MYT1: variants seen among roughly 807,000 people sequenced by gnomAD.
The protein encoded by MYT1 is myelin transcription factor I.
A neutral mutation model predicts 123.0 loss-of-function variants in MYT1; 23 were observed. That is an observed-to-expected ratio of 0.19 (90% CI 0.13 to 0.26). The LOEUF is 0.26. Ranked by LOEUF, MYT1 falls within the 10% of genes least tolerant of loss-of-function variation. The pLI, the probability that MYT1 is intolerant of heterozygous loss-of-function variation, is 1.00. For synonymous variants in MYT1, 518 were observed against 575.3 expected (o/e 0.90, Z 1.43); for missense variants, 1,125 against 1,472.5 (o/e 0.76, Z 3.86).
rs1201572776 is a variant in MYT1 at position 64,189,055 on chromosome 20, G to C, written c.-98-1008G>C. Reference sequence around the variant, plus strand: ...ATGGGATGGAAGCATTTCCAGATAAGAAGAGGGTGCTGTGGCCAGAGGCAC... The same window carrying C: ...ATGGGATGGAAGCATTTCCAGATAACAAGAGGGTGCTGTGGCCAGAGGCAC... On this transcript the variant is annotated intron_variant, in intron 1 of 22. Transcript: ENST00000328439. The surrounding 1 kb of genome is among the most constrained non-coding windows in gnomAD (Gnocchi z 5.5). Among the ~76,000 whole-genome samples, 2 of 152,230 alleles carry C rather than the reference G, an allele frequency of 1.3e-5. No individual in the cohort carries two copies. The highest frequency in any genetic ancestry group is 4.8e-5 in the African/African-American group (2 of 41,452).
rs141760054 is a variant in MYT1, at chr20:64,203,107, C to T, written c.87-1928C>T. ...CTTCCTGTCCCCGAGCGGCCTTGTC[C>T]GCTCCACGCACTTGGGCTCACAGCC... is the stretch of plus-strand genomic sequence containing the variant. On this transcript the variant is annotated intron_variant, in intron 4 of 22. Transcript: ENST00000328439. This position sits in a 1 kb window ranked among gnomAD's most constrained non-coding sequence, Gnocchi z 5.1. Among the ~76,000 whole-genome samples the T allele has an allele frequency of 6.6e-5, 10 of 152,302 alleles. No individual in the cohort carries two copies. The highest frequency in any genetic ancestry group is 1.2e-4 in the African/African-American group (5 of 41,552).
intron 1 of MYT1, among the ~76,000 whole-genome samples, chr20:64,184,879 C>T (rs1323994718): frequency 2.6e-5 from 4 of 152,142 alleles, no homozygotes; most frequent in Non-Finnish European, 4.4e-5. Context: ...ATGGGGTGGC[C>T]GGGTGGCCAG....
chr20:64,177,971 C>G (rs1237606669), intron 1 of MYT1, among the ~76,000 whole-genome samples: 1 of 152,126 alleles, frequency 6.6e-6, no homozygotes, highest in Non-Finnish European at 1.5e-5. Flanking sequence ...GCCCAGCCAG[C>G]TTTGGAAGCA....
chr20:64,239,922 T>A lies in MYT1; in HGVS notation c.3237+19T>A, dbSNP rs762499588. 6.2e-7 allele frequency: 1 copy of A among 1,609,070 alleles called. No individual in the cohort carries two copies. Among genetic ancestry groups the A allele is most frequent in the African/African-American group, 1.3e-5 (1 of 74,904 alleles). On this transcript the variant is annotated intron_variant, in intron 22 of 22. Coordinates refer to ENST00000328439, the MANE Select transcript of MYT1 (RefSeq NM_004535.3). ...GCACATGGTAGGCAGCACGCGGGCC[T>A]GCCGGCACCACAGCTACCCCCCAGG...
intron 10 of MYT1, among the ~76,000 whole-genome samples, chr20:64,215,356 C>T (rs1181768189): frequency 6.6e-6 from 1 of 152,162 alleles, no homozygotes; most frequent in Non-Finnish European, 1.5e-5. Flanking sequence ...CGCCCTCAGC[C>T]CATGGTGAAT....
intron 18 of MYT1, chr20:64,228,187 G>A (rs1984226042): frequency 1.8e-6 from 1 of 566,482 alleles, no homozygotes; most frequent in Non-Finnish European, 3.1e-6. Flanking sequence ...GTCGCGTGGA[G>A]GGCATGGGTG....
intron 4 of MYT1, among the ~76,000 whole-genome samples, chr20:64,204,507 C>T (rs1983421782): frequency 6.6e-6 from 1 of 152,248 alleles, no homozygotes; most frequent in Non-Finnish European, 1.5e-5. Flanking sequence ...ATCTTCACCA[C>T]TGTCTGTGGC....
Position 64,213,602 on chromosome 20 carries a change from C to T in MYT1, c.1586C>T (p.Thr529Ile). Residue 529 changes from threonine to isoleucine, a missense_variant, in exon 10 of 23, where the codon ACA becomes ATA. Thr to Ile is a moderately conservative substitution (Grantham distance 89, BLOSUM62 -1). Transcript: ENST00000328439. The surrounding 1 kb of genome is among the most constrained non-coding windows in gnomAD (Gnocchi z 5.6). ...AKSHEKQQPQ[T>I]GDPSKSSSNS... ...TCCCATGAGAAGCAGCAGCCGCAGA[C>T]AGGAGATCCTTCCAAGAGTAGCTCC... 6.2e-7 allele frequency: 1 copy of T among 1,614,168 alleles called. No homozygotes were observed. Among genetic ancestry groups the T allele is most frequent in the South Asian group, 1.1e-5 (1 of 91,086 alleles).
rs1441482905 is a variant in MYT1 at position 64,190,993 on chromosome 20, A to G, written c.-1+833A>G. On this transcript the variant is annotated intron_variant, in intron 2 of 22. Transcript: ENST00000328439. This position sits in a 1 kb window ranked among gnomAD's most constrained non-coding sequence, Gnocchi z 4.1. ...CAGAAAACAAGCAAGCAAGCAAACA[A>G]AAAAAACCCACCAAAATGAAAATGT... is the stretch of plus-strand genomic sequence containing the variant. Among the ~76,000 whole-genome samples, 2 of 152,112 alleles carry G rather than the reference A, an allele frequency of 1.3e-5. No homozygotes were observed. Among genetic ancestry groups the G allele is most frequent in the Non-Finnish European group, 2.9e-5 (2 of 68,014 alleles).
At chr20:64,234,382 G>T (rs1463802652) in intron 19 of MYT1, among the ~76,000 whole-genome samples, 1 of 152,208 alleles carries the variant, frequency 6.6e-6, no homozygotes, top group Admixed American at 6.5e-5. Flanking sequence ...CCTGCTGAGA[G>T]CAACGGTGCC....
chr20:64,229,299 C>T (rs1984258466), intron 18 of MYT1, among the ~76,000 whole-genome samples: 1 of 152,172 alleles, frequency 6.6e-6, no homozygotes. Context: ...AGTGCAACAC[C>T]TTTATGGATT....
At chr20:64,227,051 C>G (rs1319803701) in intron 16 of MYT1, among the ~76,000 whole-genome samples, 1 of 152,268 alleles carries the variant, frequency 6.6e-6, no homozygotes, top group African/African-American at 2.4e-5. Flanking sequence ...GAAGTCCAAG[C>G]TGGGAGCCCT....
At chr20:64,179,017 C>T (rs1237799053) in intron 1 of MYT1, among the ~76,000 whole-genome samples, 10 of 143,232 alleles carry the variant, frequency 7.0e-5, no homozygotes, top group South Asian at 6.8e-4. Flanking sequence ...AGCCGTTATT[C>T]GGTGAGATAC....
chr20:64,195,533 C>T (rs1983094059), intron 2 of MYT1, among the ~76,000 whole-genome samples: 1 of 151,564 alleles, frequency 6.6e-6, no homozygotes, highest in African/African-American at 2.4e-5. Context: ...GTAGCTGAGA[C>T]TACAGGCGTG....
intron 18 of MYT1, among the ~76,000 whole-genome samples, chr20:64,228,860 T>G (rs1984244826): frequency 6.6e-6 from 1 of 152,226 alleles, no homozygotes; most frequent in Non-Finnish European, 1.5e-5. Flanking sequence ...GACACCTTGT[T>G]GCCCAGGGTT....
At chr20:64,235,172 A>G (rs1448285250) in intron 19 of MYT1, among the ~76,000 whole-genome samples, 5 of 80,360 alleles carry the variant, frequency 6.2e-5, no homozygotes, top group Non-Finnish European at 7.2e-5. Context: ...TGGCCGTGGT[A>G]TGTGACCCGG....
At position 64,196,439 on chromosome 20, in the gene MYT1, G is replaced by A. The variant is rs1464804253; in HGVS notation, c.1-2423G>A. 6.6e-6 allele frequency among the ~76,000 whole-genome samples: 1 copy of A among 152,248 alleles called. No homozygotes were observed. The highest frequency in any genetic ancestry group is 1.5e-5 in the Non-Finnish European group (1 of 68,048). ...TTTGACTTCTTTCGAAAAGAAAAGT[G>A]ATGTAAATCAAGCAGTGCTGGTTTT... On this transcript the variant is annotated intron_variant, in intron 2 of 22. Transcript: ENST00000328439. The surrounding 1 kb of genome is among the most constrained non-coding windows in gnomAD (Gnocchi z 4.3).
Position 64,232,704 on chromosome 20 carries a change from C to T in MYT1, c.2897+319C>T, listed in dbSNP as rs865801836. 6.7e-6 allele frequency among the ~76,000 whole-genome samples: 1 copy of T among 150,110 alleles called. No individual in the cohort carries two copies. The highest frequency in any genetic ancestry group is 1.5e-5 in the Non-Finnish European group (1 of 67,990). ...AGCAGAGCCCTGGGTCTGACACTTA[C>T]GTTCTCTTAACAGGCTGACAACTTC... On this transcript the variant is annotated intron_variant, in intron 19 of 22. Transcript: ENST00000328439. This position sits in a 1 kb window ranked among gnomAD's most constrained non-coding sequence, Gnocchi z 6.9.
chr20:64,236,681 C>G (rs1192947839), intron 20 of MYT1, 35 bp downstream of exon 20: 1 of 1,576,870 alleles, frequency 6.3e-7, no homozygotes. Context: ...CTGCTCATGG[C>G]TGGGTGCCAG....
Sources: gnomAD v4.1 joint callset for allele counts (sites outside exome capture counted in the v4.1 genomes callset) on GRCh38, gnomAD v4.1.1 for gene constraint, Gnocchi (gnomAD v3.1) non-coding constraint, MANE v1.5 for transcripts, NCBI Gene and HGNC (gene_info 2026-07-23, HGNC 2026-07-21) for gene names.